The following ARID4B variants were observed in gnomAD, a reference collection of about 807,000 sequenced individuals.
ARID4B encodes the protein AT-rich interactive domain-containing protein 4B.
Under a neutral mutation model 147.5 loss-of-function variants are expected in ARID4B, and 26 were observed. The ratio of observed to expected loss-of-function variants is 0.18; its 90% confidence interval spans 0.13 to 0.24. The LOEUF is 0.24. Ranked by LOEUF, ARID4B falls within the 10% of genes least tolerant of loss-of-function variation. ARID4B has a pLI of 1.00. For synonymous variants in ARID4B, 512 were observed against 507.9 expected (o/e 1.01, Z -0.11); for missense variants, 1,179 against 1,511.5 (o/e 0.78, Z 3.65).
chr1:235,242,318 G>C (rs974700555), intron 7 of ARID4B, among the ~76,000 whole-genome samples: 2 of 152,056 alleles, frequency 1.3e-5, no homozygotes, highest in South Asian at 2.1e-4. Flanking sequence ...TAGAAAGTAG[G>C]TAACAATAAG....
intron 17 of ARID4B, among the ~76,000 whole-genome samples, chr1:235,209,626 T>C (rs1474951546): frequency 6.6e-6 from 1 of 150,808 alleles, no homozygotes; most frequent in African/African-American, 2.4e-5. Context: ...TGCAATGGTG[T>C]GATCTTGGTT....
intron 2 of ARID4B, among the ~76,000 whole-genome samples, chr1:235,316,722 G>C (rs1260018346): frequency 6.6e-6 from 1 of 151,954 alleles, no homozygotes; most frequent in African/African-American, 2.4e-5. Flanking sequence ...GGGAGGCTGA[G>C]GGAGAAGAAT....
intron 3 of ARID4B, among the ~76,000 whole-genome samples, chr1:235,258,285 T>C (rs1670105117): frequency 2.0e-5 from 3 of 152,232 alleles, no homozygotes; most frequent in South Asian, 2.1e-4. Flanking sequence ...TGAGCCGAGA[T>C]TGCGTCACTG....
intron 2 of ARID4B, among the ~76,000 whole-genome samples, chr1:235,292,422 T>C (rs1227705252): frequency 6.6e-6 from 1 of 152,190 alleles, no homozygotes. Context: ...AAGAACAGCC[T>C]GTCCAACATG....
At chr1:235,223,687 T>TTTTTG (rs1553296096) in intron 12 of ARID4B, among the ~76,000 whole-genome samples, 5 of 145,972 alleles carry the variant, frequency 3.4e-5, no homozygotes, top group African/African-American at 5.0e-5. Flanking sequence ...AAAGCTACAT[T>TTTTTG]TTTTTTTTTT....
chr1:235,175,850 C>T (rs907129630), intron 21 of ARID4B, among the ~76,000 whole-genome samples: 11 of 152,122 alleles, frequency 7.2e-5, no homozygotes, highest in Non-Finnish European at 1.6e-4. Context: ...AAGAACTCCT[C>T]GGGAATAAAC....
chr1:235,223,856 T>C (rs1364827077), intron 12 of ARID4B, among the ~76,000 whole-genome samples: 1 of 152,126 alleles, frequency 6.6e-6, no homozygotes, highest in Non-Finnish European at 1.5e-5. Flanking sequence ...TCTTTTCTAG[T>C]ATTAGATTTT....
At chr1:235,262,060 A>G (rs1024059290) in intron 2 of ARID4B, among the ~76,000 whole-genome samples, 2 of 152,224 alleles carry the variant, frequency 1.3e-5, no homozygotes, top group Non-Finnish European at 2.9e-5. Flanking sequence ...CTATTTGTCC[A>G]AAGAACCCTT....
rs1663448112 is a variant in ARID4B at position 235,172,602 on chromosome 1, A to T, written c.3811+16T>A. On this transcript the variant is annotated intron_variant, in intron 23 of 23. Coordinates refer to ENST00000264183, the MANE Select transcript of ARID4B (RefSeq NM_016374.6). ...CAAAATAAATAAATAAATAAAAATA[A>T]AGTAAAAATACTTACTTTCTCTCTC... 1.4e-6 allele frequency: 2 copies of T among 1,477,656 alleles called. No individual in the cohort carries two copies. The highest frequency in any genetic ancestry group is 2.7e-5 in the South Asian group (2 of 74,878). 91.5% of individuals were successfully genotyped at this position (1,477,656 alleles called of 1,614,324 possible). A position where few individuals can be genotyped will look rare whatever the true frequency, so the allele number is the denominator to read the frequency against.
At chr1:235,283,283 A>G (rs1397059468) in intron 2 of ARID4B, among the ~76,000 whole-genome samples, 1 of 152,202 alleles carries the variant, frequency 6.6e-6, no homozygotes, top group Non-Finnish European at 1.5e-5. Context: ...ATGTCATACC[A>G]TAACTGCCTT....
chr1:235,254,458 G>A (rs2152955), intron 5 of ARID4B, among the ~76,000 whole-genome samples: 70,457 of 150,998 alleles, frequency 0.47, 16,671 homozygotes, highest in South Asian at 0.6. Context: ...ATAAAAATCT[G>A]TTTGTAAAAC....
chr1:235,327,188 T>A (rs531551822), intron 1 of ARID4B: 35 of 440,370 alleles, frequency 7.9e-5, no homozygotes, highest in Non-Finnish European at 1.2e-4. Flanking sequence ...GTCCCCATTG[T>A]CGAGACCCGA....
At position 235,175,293 on chromosome 1, in the gene ARID4B, G is replaced by A. The variant is rs773489125; in HGVS notation, c.3555C>T (p.Pro1185=). 1.2e-5 allele frequency: 20 copies of A among 1,613,924 alleles called. No homozygotes were observed. The highest frequency in any genetic ancestry group is 3.3e-5 in the Admixed American group (2 of 59,988). Residue 1185 remains proline, a synonymous_variant, in exon 22 of 24, where the codon CCC becomes CCT. Transcript: ENST00000264183. ...TGMKSHSTKS[P]ARTQSPGKCG... Reference sequence around the variant, plus strand: ...ATTTTCCTGGAGACTGCGTCCTTGCGGGAGATTTGGTACTATGAGACTTCA... The same window carrying A: ...ATTTTCCTGGAGACTGCGTCCTTGCAGGAGATTTGGTACTATGAGACTTCA...
chr1:235,228,275 T>C (rs916563318), intron 11 of ARID4B: 1 of 146,610 alleles, frequency 6.8e-6, no homozygotes, highest in African/African-American at 2.5e-5. Flanking sequence ...AAGAATTAGG[T>C]AGGTAGGTTC....
chr1:235,308,283 T>C (rs1247667647), intron 2 of ARID4B, among the ~76,000 whole-genome samples: 1 of 149,692 alleles, frequency 6.7e-6, no homozygotes, highest in Admixed American at 6.7e-5. Flanking sequence ...ATTGTATTTT[T>C]AGTAGAGACA....
intron 16 of ARID4B, among the ~76,000 whole-genome samples, chr1:235,215,910 A>T (rs1053597283): frequency 3.4e-5 from 5 of 148,702 alleles, no homozygotes; most frequent in African/African-American, 1.2e-4. Flanking sequence ...TATTTATATT[A>T]AAAAAAAAAC....
intron 9 of ARID4B, among the ~76,000 whole-genome samples, chr1:235,234,053 T>C (rs894912285): frequency 1.3e-5 from 2 of 152,218 alleles, no homozygotes; most frequent in African/African-American, 4.8e-5. Flanking sequence ...CACTCCAGCC[T>C]GGGTGACAGA....
At chr1:235,198,778 C>T (rs142643982) in intron 17 of ARID4B, among the ~76,000 whole-genome samples, 1 of 152,260 alleles carries the variant, frequency 6.6e-6, no homozygotes, top group Admixed American at 6.5e-5. Flanking sequence ...ACAGTATGGC[C>T]TTACTATTCT....
intron 2 of ARID4B, among the ~76,000 whole-genome samples, chr1:235,271,900 G>A (rs574310231): frequency 6.6e-6 from 1 of 151,938 alleles, no homozygotes; most frequent in South Asian, 2.1e-4. Flanking sequence ...AGTGAGCCGA[G>A]ATCACGCCAC....
Sources: allele counts gnomAD v4.1 joint callset (sites outside exome capture counted in the v4.1 genomes callset), GRCh38; gene constraint gnomAD v4.1.1; transcripts MANE v1.5; gene names NCBI Gene and HGNC (gene_info 2026-07-23, HGNC 2026-07-21).